The following CEP170 variants were observed in gnomAD, a reference collection of about 807,000 sequenced individuals.
CEP170 encodes centrosomal protein 170, also known as centrosomal protein of 170 kDa.
Under a neutral mutation model 151.9 loss-of-function variants are expected in CEP170, and 21 were observed. The ratio of observed to expected loss-of-function variants is 0.14; its 90% CI spans 0.10 to 0.20. CEP170 has a LOEUF of 0.20. CEP170 is among the 10% of genes least tolerant of loss of function. The probability of loss-of-function intolerance (pLI) is 1.00; values close to 1 mark genes in which losing one functional copy is unlikely to be tolerated. For missense variants in CEP170, 964 were observed against 1,892.9 expected (o/e 0.51, Z 9.11); for synonymous variants, 356 against 648.8 (o/e 0.55, Z 6.86).
intron 1 of CEP170, among the ~76,000 whole-genome samples, chr1:243,229,307 A>AG (rs957099738): frequency 7.9e-5 from 12 of 152,234 alleles, no homozygotes; most frequent in African/African-American, 2.9e-4. Context: ...TTAGTCAAAT[A>AG]GACATGGGTT....
At chr1:243,221,385 G>A (rs2062806936) in intron 3 of CEP170, among the ~76,000 whole-genome samples, 1 of 151,964 alleles carries the variant, frequency 6.6e-6, no homozygotes, top group Non-Finnish European at 1.5e-5. Flanking sequence ...GTACTTTTTT[G>A]CATTCTCACT....
chr1:243,161,979 A>G (rs2058101277), intron 13 of CEP170, among the ~76,000 whole-genome samples: 2 of 152,214 alleles, frequency 1.3e-5, no homozygotes, highest in Non-Finnish European at 2.9e-5. Context: ...TTCTCACTGA[A>G]GGAAAGATCC....
At chr1:243,135,162 A>T (rs1558375308) in intron 17 of CEP170, among the ~76,000 whole-genome samples, 3 of 152,192 alleles carry the variant, frequency 2.0e-5, no homozygotes, top group African/African-American at 7.2e-5. Flanking sequence ...TTCTTTTAGG[A>T]GGCAATAAAG....
At chr1:243,128,206 C>T (rs1404039210) in intron 19 of CEP170, 43 bp downstream of exon 19, 38 of 1,495,060 alleles carry the variant, frequency 2.5e-5, no homozygotes, top group Non-Finnish European at 3.3e-5. Flanking sequence ...GGCACTTATT[C>T]TAAATTATTA....
At chr1:243,168,406 TGTAA>T (rs1056475072) in intron 12 of CEP170, 3 of 152,148 alleles carry the variant, frequency 2.0e-5, no homozygotes, top group East Asian at 1.9e-4. Flanking sequence ...GCTTTTTAAC[TGTAA>T]GTGAGTATTT....
chr1:243,152,655 C>A (rs910119433), intron 14 of CEP170, among the ~76,000 whole-genome samples: 1 of 150,774 alleles, frequency 6.6e-6, no homozygotes, highest in African/African-American at 2.4e-5. Context: ...CCTCAGCCTC[C>A]CGAGTAGCTG....
intron 10 of CEP170, chr1:243,175,124 T>C (rs908569339): frequency 6.6e-6 from 1 of 152,182 alleles, no homozygotes; most frequent in African/African-American, 2.4e-5. Context: ...TCCTCAAACA[T>C]CTAAGCACCA....
At chr1:243,159,149 T>A (rs2057830605) in intron 13 of CEP170, among the ~76,000 whole-genome samples, 1 of 152,178 alleles carries the variant, frequency 6.6e-6, no homozygotes. Flanking sequence ...TTAGGTATGT[T>A]CTTTAAAATT....
At chr1:243,224,948 T>C (rs2063111123) in intron 2 of CEP170, among the ~76,000 whole-genome samples, 1 of 152,236 alleles carries the variant, frequency 6.6e-6, no homozygotes, top group East Asian at 1.9e-4. Flanking sequence ...TTCTGCTTAC[T>C]AATAAACTTC....
At chr1:243,189,398 T>TA (rs2060144839) in intron 8 of CEP170, among the ~76,000 whole-genome samples, 1 of 150,994 alleles carries the variant, frequency 6.6e-6, no homozygotes, top group African/African-American at 2.4e-5. Flanking sequence ...CTACTAAAAA[T>TA]AAAAAAAATT....
intron 6 of CEP170, among the ~76,000 whole-genome samples, chr1:243,199,786 G>T (rs1316484749): frequency 6.6e-6 from 1 of 151,544 alleles, no homozygotes; most frequent in Non-Finnish European, 1.5e-5. Context: ...GTTTGAATGG[G>T]ATTATTTATG....
chr1:243,197,331 T>A (rs991674068), intron 7 of CEP170, among the ~76,000 whole-genome samples: 6 of 151,946 alleles, frequency 3.9e-5, no homozygotes, highest in Non-Finnish European at 8.8e-5. Context: ...TCCAAAAATC[T>A]CTGGCATCCA....
chr1:243,131,959 C>T (rs1394517683), intron 17 of CEP170, among the ~76,000 whole-genome samples: 1 of 152,318 alleles, frequency 6.6e-6, no homozygotes, highest in South Asian at 2.1e-4. Context: ...AACATGCGAA[C>T]GCGGAGTTGC....
chr1:243,197,621 G>A (rs2060740919), intron 7 of CEP170, among the ~76,000 whole-genome samples: 1 of 151,936 alleles, frequency 6.6e-6, no homozygotes, highest in South Asian at 2.1e-4. Context: ...TCCTGCTACT[G>A]GCAGGCAGCC....
chr1:243,160,747 GCT>G (rs1249350106), intron 13 of CEP170, among the ~76,000 whole-genome samples: 4 of 152,178 alleles, frequency 2.6e-5, no homozygotes, highest in African/African-American at 4.8e-5. Flanking sequence ...TGCTGACAAT[GCT>G]CTGTTTTGTC....
intron 4 of CEP170, among the ~76,000 whole-genome samples, chr1:243,209,383 C>T (rs796353958): frequency 3.3e-5 from 5 of 152,074 alleles, no homozygotes; most frequent in African/African-American, 9.6e-5. Flanking sequence ...GATGAGATTT[C>T]GCCATGTTGG....
chr1:243,232,983 G>A (rs1284363600), intron 1 of CEP170, among the ~76,000 whole-genome samples: 1 of 152,186 alleles, frequency 6.6e-6, no homozygotes, highest in African/African-American at 2.4e-5. Context: ...CTTGAAGTGA[G>A]GATAACCTAG....
intron 10 of CEP170, among the ~76,000 whole-genome samples, chr1:243,179,612 C>T (rs1398138715): frequency 2.6e-5 from 4 of 151,948 alleles, no homozygotes; most frequent in Admixed American, 6.6e-5. Context: ...TTTGTGGGGG[C>T]ATGGTTGGAT....
Position 243,180,948 on chromosome 1 carries a change from T to C in CEP170, c.1566+4831A>G, listed in dbSNP as rs1015981712. ...TGACACAATGAACAAGAATCAAAAC[T>C]CAGGACAAGAAAAGTATCTGGCAGA... On this transcript the variant is annotated intron_variant, in intron 10 of 19. Coordinates refer to ENST00000366542, the MANE Select transcript of CEP170 (RefSeq NM_014812.3). 4.5e-4 allele frequency among the ~76,000 whole-genome samples: 69 copies of C among 152,190 alleles called. 3 individuals carry two copies. Among genetic ancestry groups the C allele is most frequent in the Admixed American group, 6.5e-5 (1 of 15,284 alleles).
Sources: gnomAD v4.1 joint callset for allele counts (sites outside exome capture counted in the v4.1 genomes callset) on GRCh38, gnomAD v4.1.1 for gene constraint, MANE v1.5 for transcripts, NCBI Gene and HGNC (gene_info 2026-07-23, HGNC 2026-07-21) for gene names.